Variants in CSMD2 observed in about 807,000 individuals in gnomAD.
The protein encoded by CSMD2 is CUB and Sushi multiple domains 2, also known as CUB and sushi domain-containing protein 2.
Under a neutral mutation model 398.5 loss-of-function variants are expected in CSMD2, and 130 were observed. The observed-to-expected ratio is 0.33, with a 90% CI of 0.28 to 0.38. CSMD2 has a LOEUF of 0.38. Among genes scored for constraint, CSMD2 ranks in the 10% least tolerant of loss-of-function variants. The pLI, the probability that CSMD2 is intolerant of heterozygous loss-of-function variation, is 1.00. For missense variants in CSMD2, 3,829 were observed against 4,764.9 expected (o/e 0.80, Z 5.78); for synonymous variants, 1,828 against 1,908.5 (o/e 0.96, Z 1.10).
chr1:33,626,424 G>T lies in CSMD2; in HGVS notation c.5296+62C>A. ...AGAGGTCAAAGATCCCTGTCCCTTC[G>T]ATCACGAGTCCCTTAAGAACCGAGA... On this transcript the variant is annotated intron_variant, in intron 33 of 70. Transcript: ENST00000373381. 4.1e-6 allele frequency: 5 copies of T among 1,221,656 alleles called. No homozygotes were observed. The South Asian group carries it at 4.4e-5, about 11-fold the overall frequency. The allele number at this position is 1,221,656 out of a possible 1,614,324, so 75.7% of individuals were successfully genotyped here. A position where few individuals can be genotyped will look rare whatever the true frequency, so the allele number is the denominator to read the frequency against.
At chr1:34,136,037 G>A (rs1322198169) in intron 1 of CSMD2, among the ~76,000 whole-genome samples, 2 of 152,006 alleles carry the variant, frequency 1.3e-5, no homozygotes, top group African/African-American at 2.4e-5. Context: ...GGAAGAGAAG[G>A]AGCAAGCAGG....
intron 2 of CSMD2, among the ~76,000 whole-genome samples, chr1:34,052,947 C>A (rs545247641): frequency 3.3e-5 from 5 of 152,168 alleles, no homozygotes; most frequent in Non-Finnish European, 7.4e-5. Context: ...AGTGGCAAGG[C>A]TGAAACTGGG....
In CSMD2 at chr1:33,624,693, C is replaced by G. The variant is rs765675203; in HGVS notation, c.5501-50G>C. 23 of 1,582,646 alleles carry G rather than the reference C, an allele frequency of 1.5e-5. No homozygotes were observed. The highest frequency in any genetic ancestry group is 2.3e-5 in the East Asian group (1 of 44,224). On this transcript the variant is annotated intron_variant, in intron 34 of 70. Transcript: ENST00000373381. The surrounding 1 kb of genome is among the most constrained non-coding windows in gnomAD (Gnocchi z 4.7). Reference sequence around the variant, plus strand: ...GAGGCTTTGTGGCCTCCCGTGGGAGCCTTCCCAAGCTGACTCCTCCCTCAT... The same window carrying G: ...GAGGCTTTGTGGCCTCCCGTGGGAGGCTTCCCAAGCTGACTCCTCCCTCAT...
chr1:33,711,116 A>G (rs1014826148), intron 21 of CSMD2, among the ~76,000 whole-genome samples: 1 of 152,212 alleles, frequency 6.6e-6, no homozygotes, highest in Non-Finnish European at 1.5e-5. Flanking sequence ...GTGGCTGCTG[A>G]TAATTTACAT....
At chr1:33,597,506 C>T (rs138803858) in intron 44 of CSMD2, among the ~76,000 whole-genome samples, 1 of 152,308 alleles carries the variant, frequency 6.6e-6, no homozygotes, top group East Asian at 1.9e-4. Context: ...CACTCAGTAA[C>T]ACAGGAAAGG....
chr1:33,770,414 A>G (rs929187832), intron 13 of CSMD2, among the ~76,000 whole-genome samples: 1 of 152,236 alleles, frequency 6.6e-6, no homozygotes, highest in African/African-American at 2.4e-5. Context: ...AATGCCCAGG[A>G]CCTATAAAAG....
intron 25 of CSMD2, among the ~76,000 whole-genome samples, chr1:33,689,180 T>C (rs539611415): frequency 6.6e-6 from 1 of 152,028 alleles, no homozygotes; most frequent in South Asian, 2.1e-4. Context: ...GCTGTACGTG[T>C]GCATGCTATG....
At chr1:34,127,437 G>A (rs1388896099) in intron 1 of CSMD2, among the ~76,000 whole-genome samples, 1 of 152,160 alleles carries the variant, frequency 6.6e-6, no homozygotes, top group Non-Finnish European at 1.5e-5. Flanking sequence ...ATGGAAGAAA[G>A]GGGTCCTGGG....
At chr1:33,944,237 C>G (rs1043644188) in intron 3 of CSMD2, among the ~76,000 whole-genome samples, 4 of 152,008 alleles carry the variant, frequency 2.6e-5, no homozygotes, top group Admixed American at 6.5e-5. Flanking sequence ...AACGCCCCCC[C>G]CCCAACTCCT....
chr1:34,091,932 G>T (rs985892831), intron 1 of CSMD2, among the ~76,000 whole-genome samples: 1 of 151,940 alleles, frequency 6.6e-6, no homozygotes, highest in African/African-American at 2.4e-5. Context: ...AAAAGAGGAA[G>T]CAAAATTATG....
chr1:33,939,503 G>A (rs1644596333), intron 3 of CSMD2, among the ~76,000 whole-genome samples: 1 of 152,144 alleles, frequency 6.6e-6, no homozygotes, highest in Non-Finnish European at 1.5e-5. Context: ...GAACTAACGT[G>A]TCATTTTCCG....
chr1:33,797,512 G>A (rs925862267), intron 10 of CSMD2, among the ~76,000 whole-genome samples: 7 of 152,200 alleles, frequency 4.6e-5, no homozygotes, highest in Admixed American at 4.6e-4. Context: ...GCAAGTGGTA[G>A]AGCTGGGACT....
At chr1:33,602,267 C>A (rs1640275149) in intron 43 of CSMD2, 102 bp downstream of exon 43, 1 of 1,287,244 alleles carries the variant, frequency 7.8e-7, no homozygotes, top group East Asian at 2.4e-5. Flanking sequence ...AAACCATTCA[C>A]CTCTTGGTTT....
chr1:34,126,628 T>C (rs1662765588), intron 1 of CSMD2, among the ~76,000 whole-genome samples: 1 of 152,094 alleles, frequency 6.6e-6, no homozygotes, highest in African/African-American at 2.4e-5. Flanking sequence ...TAGCAGCAGT[T>C]AGACACCCAG....
At chr1:33,936,824 G>A (rs1644495454) in intron 3 of CSMD2, among the ~76,000 whole-genome samples, 1 of 152,090 alleles carries the variant, frequency 6.6e-6, no homozygotes, top group Admixed American at 6.5e-5. Context: ...TATCATTCTA[G>A]GATACCCCCA....
intron 1 of CSMD2, among the ~76,000 whole-genome samples, chr1:34,103,841 G>A (rs117805593): frequency 0.013 from 2,044 of 152,152 alleles, 28 homozygotes; most frequent in East Asian, 0.052. Flanking sequence ...GTGTATTTAT[G>A]GTTTATTTTG....
chr1:33,876,833 C>CT (rs1358726691), intron 5 of CSMD2, among the ~76,000 whole-genome samples: 4 of 152,138 alleles, frequency 2.6e-5, no homozygotes, highest in African/African-American at 9.7e-5. Context: ...CAGACTTTTG[C>CT]TTGTGAATGG....
chr1:33,864,488 C>T, intron 5 of CSMD2: 1 of 1,613,628 alleles, frequency 6.2e-7, no homozygotes, highest in Non-Finnish European at 8.5e-7. Flanking sequence ...CTCCATCATC[C>T]TTCCTACTCT....
At chr1:34,130,741 A>G (rs2148496845) in intron 1 of CSMD2, among the ~76,000 whole-genome samples, 1 of 152,038 alleles carries the variant, frequency 6.6e-6, no homozygotes, top group South Asian at 2.1e-4. Context: ...CCTGCCCTCC[A>G]CCCATCCTTA....
Sources: allele counts gnomAD v4.1 joint callset (sites outside exome capture counted in the v4.1 genomes callset), GRCh38; gene constraint gnomAD v4.1.1; non-coding constraint Gnocchi (gnomAD v3.1); transcripts MANE v1.5; gene names NCBI Gene and HGNC (gene_info 2026-07-23, HGNC 2026-07-21).